Variants in AAK1 observed in about 807,000 individuals in gnomAD.
AAK1 encodes the protein AP2-associated protein kinase 1.
Under a neutral mutation model 116.0 loss-of-function variants are expected in AAK1, and 37 were observed. The observed-to-expected ratio is 0.32, with a 90% CI of 0.25 to 0.42. The LOEUF (loss-of-function observed/expected upper bound fraction) is 0.42, where lower values mean the gene tolerates loss of function less well. Among genes scored for constraint, AAK1 ranks in the 10% least tolerant of loss-of-function variants. AAK1 has a pLI of 1.00. For missense variants in AAK1, 919 were observed against 1,170.6 expected (o/e 0.79, Z 3.14); for synonymous variants, 458 against 439.9 (o/e 1.04, Z -0.51).
At chr2:69,521,622 C>T (rs1247821973) in intron 10 of AAK1, among the ~76,000 whole-genome samples, 2 of 152,226 alleles carry the variant, frequency 1.3e-5, no homozygotes, top group African/African-American at 4.8e-5. Flanking sequence ...TTTAGCTGGG[C>T]ACAGGGTCAC....
chr2:69,471,996 G>A lies in AAK1; in HGVS notation c.*3873C>T, dbSNP rs571729960. ...ATCCAAGTTGTGTAATTCTAATTCA[G>A]GAAGAGCGAAGTCCAATATCAAATA... On this transcript the variant is annotated 3_prime_UTR_variant, in exon 22 of 22. Coordinates refer to ENST00000409085, the MANE Select transcript of AAK1 (RefSeq NM_014911.5). The A allele has an allele frequency of 8.4e-5, 83 of 985,376 alleles. No individual in the cohort carries two copies. In the African/African-American group the frequency reaches 1.2e-3, roughly 14 times the overall value. 61.0% of individuals were successfully genotyped at this position (985,376 alleles called of 1,614,324 possible). A position where few individuals can be genotyped will look rare whatever the true frequency, so the allele number is the denominator to read the frequency against.
At chr2:69,505,389 G>A (rs1296817780) in intron 16 of AAK1, among the ~76,000 whole-genome samples, 180 bp downstream of exon 16, 1 of 151,836 alleles carries the variant, frequency 6.6e-6, no homozygotes, top group Non-Finnish European at 1.5e-5. Context: ...TGATCAGAAA[G>A]CTTTTGAATT....
Position 69,625,366 on chromosome 2 carries a change from A to G in AAK1, c.163+17512T>C, listed in dbSNP as rs145268714. ...CACAAACATGAAATTCAAAAAAGAC[A>G]GCAATCCAGGGCCATTTCATTGAAG... is the stretch of plus-strand genomic sequence containing the variant. On this transcript the variant is annotated intron_variant, in intron 2 of 21. Transcript: ENST00000409085. Among the ~76,000 whole-genome samples, 225 of 152,372 alleles carry G rather than the reference A, an allele frequency of 1.5e-3. 1 individual carries two copies. The highest frequency in any genetic ancestry group is 4.8e-3 in the African/African-American group (201 of 41,586).
intron 2 of AAK1, among the ~76,000 whole-genome samples, chr2:69,642,470 G>A (rs1004789447): frequency 5.3e-5 from 8 of 151,946 alleles, no homozygotes; most frequent in Non-Finnish European, 1.2e-4. Context: ...GTAGGAGAAG[G>A]AGAAACCCCT....
In AAK1 at chr2:69,509,421, T is replaced by C. The variant is rs772625749; in HGVS notation, c.1816A>G (p.Thr606Ala). 3.1e-6 allele frequency: 5 copies of C among 1,613,674 alleles called. No homozygotes were observed. Among genetic ancestry groups the C allele is most frequent in the Non-Finnish European group, 4.2e-6 (5 of 1,179,824 alleles). Reference protein sequence around the residue: ...PVRQQPKVQTTPPPAVQGQKV... With the variant: ...PVRQQPKVQTAPPPAVQGQKV... The stretch of plus-strand genomic sequence containing the variant: ...TGCCCCTGGACGGCAGGAGGTGGGG[T>C]TGTCTGAACCTTTGGCTGTTGTCTT... Residue 606 changes from threonine to alanine, a missense_variant, in exon 14 of 22, where the codon ACC becomes GCC. Transcript: ENST00000409085.
chr2:69,509,364 G>A lies in AAK1; in HGVS notation c.1873C>T (p.Pro625Ser). The change falls in exon 14 of 22, where the codon CCC (proline) becomes TCC (serine). Residue 625 changes from proline (P) to serine (S), a missense_variant. Pro to Ser is a moderately conservative substitution (Grantham distance 74, BLOSUM62 -1). Coordinates refer to ENST00000409085, the MANE Select transcript of AAK1 (RefSeq NM_014911.5). ...KVGSLTPPSS[P>S]KTQRAGHRRI... ...CTGTGCCCAGCACGTTGGGTTTTGG[G>A]GGATGAGGGTGGAGTGAGAGATCCA... The A allele has an allele frequency of 1.2e-6, 2 of 1,614,016 alleles. No individual in the cohort carries two copies. Among genetic ancestry groups the A allele is most frequent in the Non-Finnish European group, 1.7e-6 (2 of 1,179,898 alleles).
intron 17 of AAK1, among the ~76,000 whole-genome samples, chr2:69,494,721 T>C (rs113839386): frequency 6.6e-6 from 1 of 152,322 alleles, no homozygotes; most frequent in African/African-American, 2.4e-5. Context: ...GCGCCTCTAT[T>C]TCATTCCTTT....
chr2:69,555,662 T>C (rs1357446074), intron 3 of AAK1, among the ~76,000 whole-genome samples: 1 of 152,208 alleles, frequency 6.6e-6, no homozygotes, highest in African/African-American at 2.4e-5. Flanking sequence ...ATTTACTTCA[T>C]GTCAAGCAGT....
At chr2:69,551,346 T>C (rs1671175922) in intron 3 of AAK1, among the ~76,000 whole-genome samples, 1 of 152,134 alleles carries the variant, frequency 6.6e-6, no homozygotes, top group South Asian at 2.1e-4. Context: ...TGGCACACAT[T>C]TACCTATGTA....
intron 3 of AAK1, among the ~76,000 whole-genome samples, chr2:69,545,767 G>A (rs948473983): frequency 3.3e-5 from 5 of 152,182 alleles, no homozygotes; most frequent in Non-Finnish European, 5.9e-5. Flanking sequence ...CTTTGGAATT[G>A]GCAGATGGAA....
intron 12 of AAK1, among the ~76,000 whole-genome samples, chr2:69,518,604 A>C (rs1250465490): frequency 6.6e-6 from 1 of 152,010 alleles, no homozygotes; most frequent in East Asian, 1.9e-4. Flanking sequence ...TTTTTAGTAG[A>C]GACAGGGTTT....
intron 16 of AAK1, among the ~76,000 whole-genome samples, chr2:69,502,732 C>T (rs904406271): frequency 3.9e-5 from 6 of 152,028 alleles, no homozygotes; most frequent in Non-Finnish European, 7.4e-5. Flanking sequence ...CACTATTAAT[C>T]GAAACAAAAT....
intron 17 of AAK1, among the ~76,000 whole-genome samples, chr2:69,494,115 C>T (rs550349024): frequency 6.6e-6 from 1 of 152,270 alleles, no homozygotes; most frequent in Non-Finnish European, 1.5e-5. Context: ...TAATACACTC[C>T]TGCAGTTCTC....
chr2:69,520,895 G>A lies in AAK1; in HGVS notation c.1149C>T (p.Pro383=). The A allele has an allele frequency of 6.2e-7, 1 of 1,607,914 alleles. No homozygotes were observed. The highest frequency in any genetic ancestry group is 1.7e-5 in the Admixed American group (1 of 59,192). Residue 383 remains proline, a synonymous_variant, in exon 11 of 22, where the codon CCC becomes CCT. Transcript: ENST00000409085. ...GQTQPNPGIL[P]IQPALTPRKR... is the part of the protein sequence containing the mutation. Reference sequence around the variant, plus strand: ...TCCGGGGTGTCAGCGCTGGCTGGATGGGAAGGATTCCTGGGTTCGGCTGAG... The same window carrying A: ...TCCGGGGTGTCAGCGCTGGCTGGATAGGAAGGATTCCTGGGTTCGGCTGAG...
intron 2 of AAK1, among the ~76,000 whole-genome samples, chr2:69,612,619 C>T (rs1674137296): frequency 6.6e-6 from 1 of 152,228 alleles, no homozygotes; most frequent in Non-Finnish European, 1.5e-5. Context: ...TTCTTTCTAG[C>T]ATCTTCTCTA....
At chr2:69,640,517 T>C (rs1032844326) in intron 2 of AAK1, among the ~76,000 whole-genome samples, 2 of 152,226 alleles carry the variant, frequency 1.3e-5, no homozygotes, top group Admixed American at 6.5e-5. Flanking sequence ...CCCAAATTCA[T>C]TGGCAGATCC....
chr2:69,532,124 G>A lies in AAK1; in HGVS notation c.573C>T (p.Val191=). ...NILLHDRGHY[V]LCDFGSATNK... is the part of the protein sequence containing the mutation. ...TGGTGGCGCTTCCAAAGTCACACAGGACATAGTGGCCTCGGTCATGCAAGA... is the reference window on the plus strand; with the variant it reads ...TGGTGGCGCTTCCAAAGTCACACAGAACATAGTGGCCTCGGTCATGCAAGA... Residue 191 remains valine (V), a synonymous_variant, in exon 6 of 22, where the codon GTC becomes GTT. Transcript: ENST00000409085. 1 of 1,613,608 alleles carries A rather than the reference G, an allele frequency of 6.2e-7. No individual in the cohort carries two copies. The highest frequency in any genetic ancestry group is 1.3e-5 in the African/African-American group (1 of 74,990).
At chr2:69,572,096 A>G (rs774774340) in intron 2 of AAK1, among the ~76,000 whole-genome samples, 4 of 152,194 alleles carry the variant, frequency 2.6e-5, no homozygotes, top group Non-Finnish European at 4.4e-5. Context: ...GCCAGCACCA[A>G]CTGATGAACT....
intron 3 of AAK1, among the ~76,000 whole-genome samples, chr2:69,550,299 A>G (rs1024895010): frequency 6.6e-6 from 1 of 152,098 alleles, no homozygotes; most frequent in African/African-American, 2.4e-5. Context: ...ACTATAAAAC[A>G]GCTTAAAATG....
Sources: allele counts gnomAD v4.1 joint callset (sites outside exome capture counted in the v4.1 genomes callset), GRCh38; gene constraint gnomAD v4.1.1; transcripts MANE v1.5; gene names NCBI Gene and HGNC (gene_info 2026-07-23, HGNC 2026-07-21).